The following ARHGAP24 variants were observed in gnomAD, a reference collection of about 807,000 sequenced individuals.
The protein encoded by ARHGAP24 is rho GTPase-activating protein 24.
In ARHGAP24, 50 loss-of-function variants were observed where a neutral mutation model predicts 76.4. The observed-to-expected ratio is 0.65, with a 90% CI of 0.52 to 0.83. The LOEUF (loss-of-function observed/expected upper bound fraction) is 0.83. Among genes scored for constraint, ARHGAP24 ranks in the 40% least tolerant of loss-of-function variants. The probability of loss-of-function intolerance (pLI) is 0.00; values close to 1 mark genes in which losing one functional copy is unlikely to be tolerated. For synonymous variants in ARHGAP24, 345 were observed against 323.3 expected (o/e 1.07, Z -0.72); for missense variants, 930 against 914.2 (o/e 1.02, Z -0.22).
At chr4:85,736,254 C>G (rs1026241776) in intron 3 of ARHGAP24, among the ~76,000 whole-genome samples, 1 of 152,186 alleles carries the variant, frequency 6.6e-6, no homozygotes, top group Non-Finnish European at 1.5e-5. Context: ...TAATGTCTGT[C>G]TCTCACTCAA....
intron 3 of ARHGAP24, among the ~76,000 whole-genome samples, chr4:85,917,590 TTAA>T (rs1476922472): frequency 6.6e-6 from 1 of 152,184 alleles, no homozygotes; most frequent in Non-Finnish European, 1.5e-5. Flanking sequence ...TCCTGACTTT[TTAA>T]TGATTGCCAT....
chr4:85,896,846 A>G (rs1241259980), intron 3 of ARHGAP24, among the ~76,000 whole-genome samples: 1 of 152,164 alleles, frequency 6.6e-6, no homozygotes, highest in Non-Finnish European at 1.5e-5. Context: ...TGCTCAAGAC[A>G]TTCTGTTATT....
chr4:85,672,600 G>A lies in ARHGAP24; in HGVS notation c.181-49285G>A, dbSNP rs1051697905. On this transcript the variant is annotated intron_variant, in intron 2 of 9. Coordinates refer to ENST00000395184, the MANE Select transcript of ARHGAP24 (RefSeq NM_001025616.3). ...ACTCTTCATCAGCAGGCAAAGCTTG[G>A]CTACTCATCTGTTTTAGCACAAACC... 4.6e-5 allele frequency among the ~76,000 whole-genome samples: 7 copies of A among 152,216 alleles called. No homozygotes were observed. The South Asian group carries it at 1.5e-3, about 32-fold the overall frequency.
At chr4:85,784,317 C>G (rs899497116) in intron 3 of ARHGAP24, among the ~76,000 whole-genome samples, 1 of 151,542 alleles carries the variant, frequency 6.6e-6, no homozygotes, top group Admixed American at 6.6e-5. Context: ...TTTTTCTTCC[C>G]TCTTGTTAGA....
chr4:85,874,571 G>C (rs1020862205), intron 3 of ARHGAP24, among the ~76,000 whole-genome samples: 1 of 151,648 alleles, frequency 6.6e-6, no homozygotes, highest in Non-Finnish European at 1.5e-5. Context: ...GCTTCAAAAC[G>C]TTAGTATTCT....
At chr4:85,590,164 G>T (rs902326825) in intron 2 of ARHGAP24, among the ~76,000 whole-genome samples, 1 of 92,794 alleles carries the variant, frequency 1.1e-5, no homozygotes. Context: ...CTTTCTTTCT[G>T]CCTGCCTGCC....
intron 1 of ARHGAP24, among the ~76,000 whole-genome samples, chr4:85,568,613 G>A (rs1246386685): frequency 6.6e-6 from 1 of 152,132 alleles, no homozygotes; most frequent in East Asian, 1.9e-4. Flanking sequence ...GCAGGGCATA[G>A]CAAATTGGAG....
intron 1 of ARHGAP24, among the ~76,000 whole-genome samples, chr4:85,541,639 G>T (rs58330660): frequency 0.12 from 18,593 of 151,952 alleles, 3,205 homozygotes; most frequent in African/African-American, 0.39. Context: ...ATTGCATGAT[G>T]ATATCATAGT....
chr4:85,658,004 C>A (rs775411227), intron 2 of ARHGAP24, among the ~76,000 whole-genome samples: 7 of 152,238 alleles, frequency 4.6e-5, no homozygotes, highest in Non-Finnish European at 1.0e-4. Flanking sequence ...ATCTGCCCCC[C>A]TCGGCTTCCC....
At chr4:85,984,825 A>G (rs1739884775) in intron 8 of ARHGAP24, among the ~76,000 whole-genome samples, 1 of 151,982 alleles carries the variant, frequency 6.6e-6, no homozygotes. Context: ...CTTTTATTTT[A>G]CTACTAATTT....
At chr4:85,663,421 G>C (rs1722484668) in intron 2 of ARHGAP24, among the ~76,000 whole-genome samples, 1 of 147,702 alleles carries the variant, frequency 6.8e-6, no homozygotes, top group Non-Finnish European at 1.5e-5. Context: ...ATTGTGGGCT[G>C]AGACAATGGG....
At chr4:85,747,883 A>G (rs576110081) in intron 3 of ARHGAP24, among the ~76,000 whole-genome samples, 1 of 152,358 alleles carries the variant, frequency 6.6e-6, no homozygotes, top group Non-Finnish European at 1.5e-5. Context: ...GAATAAGTAA[A>G]GAAGATTTGG....
At position 85,699,687 on chromosome 4, in the gene ARHGAP24, A is replaced by G. The variant is rs72972878; in HGVS notation, c.181-22198A>G. ...TAACCAACACCCTCCCCACCCCGCT[A>G]TAACTCCTGACTTCACTTTCTCTAC... On this transcript the variant is annotated intron_variant, in intron 2 of 9. Coordinates refer to ENST00000395184, the MANE Select transcript of ARHGAP24 (RefSeq NM_001025616.3). 8.1e-3 allele frequency among the ~76,000 whole-genome samples: 1,230 copies of G among 152,170 alleles called. 18 individuals carry two copies. Among genetic ancestry groups the G allele is most frequent in the African/African-American group, 0.028 (1,178 of 41,498 alleles).
chr4:85,691,471 G>A (rs1723656428), intron 2 of ARHGAP24, among the ~76,000 whole-genome samples: 1 of 151,978 alleles, frequency 6.6e-6, no homozygotes, highest in South Asian at 2.1e-4. Flanking sequence ...ACTATTAAGT[G>A]GCTATTTCTT....
intron 4 of ARHGAP24, among the ~76,000 whole-genome samples, chr4:85,935,203 T>G (rs1287480999): frequency 6.6e-6 from 1 of 152,234 alleles, no homozygotes; most frequent in Non-Finnish European, 1.5e-5. Context: ...TGCGTATAAG[T>G]GACTAGCTCA....
intron 3 of ARHGAP24, among the ~76,000 whole-genome samples, chr4:85,854,823 T>C (rs942425032): frequency 2.0e-5 from 3 of 152,188 alleles, no homozygotes; most frequent in African/African-American, 7.2e-5. Flanking sequence ...TACTCAACCA[T>C]GCTTGTCATT....
chr4:85,897,648 T>G (rs1313772388), intron 3 of ARHGAP24, among the ~76,000 whole-genome samples: 2 of 152,246 alleles, frequency 1.3e-5, no homozygotes, highest in Non-Finnish European at 2.9e-5. Context: ...TGTCTCCCCA[T>G]GGCTCTCATA....
At chr4:85,963,986 G>T (rs1738422914) in intron 5 of ARHGAP24, among the ~76,000 whole-genome samples, 1 of 151,942 alleles carries the variant, frequency 6.6e-6, no homozygotes, top group African/African-American at 2.4e-5. Context: ...GTGCTAGGAG[G>T]ACAGGCTTGA....
At chr4:85,717,038 G>C (rs1724759949) in intron 2 of ARHGAP24, among the ~76,000 whole-genome samples, 1 of 152,086 alleles carries the variant, frequency 6.6e-6, no homozygotes, top group Non-Finnish European at 1.5e-5. Context: ...GTATGGAATA[G>C]AGTGAGGAGT....
Sources: gnomAD v4.1 joint callset for allele counts (sites outside exome capture counted in the v4.1 genomes callset) on GRCh38, gnomAD v4.1.1 for gene constraint, MANE v1.5 for transcripts, NCBI Gene and HGNC (gene_info 2026-07-23, HGNC 2026-07-21) for gene names.